The following VWC2L variants were observed in gnomAD, a reference collection of about 807,000 sequenced individuals.
VWC2L encodes von Willebrand factor C domain containing 2 like.
Under a neutral mutation model 21.6 loss-of-function variants are expected in VWC2L, and 10 were observed. The observed-to-expected ratio is 0.46, with a 90% CI of 0.29 to 0.78. The LOEUF (loss-of-function observed/expected upper bound fraction) is 0.78. Ranked by LOEUF, VWC2L falls within the 30% of genes least tolerant of loss-of-function variation. VWC2L has a pLI of 0.10. For missense variants in VWC2L, 209 were observed against 277.1 expected, an observed-to-expected ratio of 0.75 and a Z score of 1.74; for synonymous variants, 96 against 94.3, an observed-to-expected ratio of 1.02 and a Z score of -0.10.
At chr2:214,486,441 G>A (rs1688673779) in intron 3 of VWC2L, among the ~76,000 whole-genome samples, 1 of 152,170 alleles carries the variant, frequency 6.6e-6, no homozygotes, top group African/African-American at 2.4e-5. Context: ...TTATTCATAT[G>A]CACCTTAATT....
At chr2:214,548,312 T>A (rs1329698543) in intron 3 of VWC2L, among the ~76,000 whole-genome samples, 2 of 152,168 alleles carry the variant, frequency 1.3e-5, no homozygotes, top group East Asian at 1.9e-4. Context: ...TTACACAATT[T>A]AAAAAAATTT....
chr2:214,559,596 C>A (rs1006082248), intron 3 of VWC2L, among the ~76,000 whole-genome samples: 1 of 149,362 alleles, frequency 6.7e-6, no homozygotes, highest in Non-Finnish European at 1.5e-5. Context: ...CAAATTTAAT[C>A]CCATTCTTTT....
chr2:214,434,645 A>G (rs1448361725), intron 2 of VWC2L, among the ~76,000 whole-genome samples: 1 of 152,174 alleles, frequency 6.6e-6, no homozygotes, highest in East Asian at 1.9e-4. Flanking sequence ...AGATAAAAAC[A>G]AGTCTTGCTT....
chr2:214,566,000 G>GT (rs747627989), intron 3 of VWC2L, among the ~76,000 whole-genome samples: 33 of 152,206 alleles, frequency 2.2e-4, no homozygotes, highest in Non-Finnish European at 3.7e-4. Context: ...GTTCTCAGCT[G>GT]TAAAATGGGT....
Position 214,495,233 on chromosome 2 carries a change from C to T in VWC2L, c.520+58475C>T, listed in dbSNP as rs186369279. ...AAATTATGAAGGCTGCTAAGAAAAT[C>T]CCTACTCCCCATCCTTTGCTGATCC... is the stretch of plus-strand genomic sequence containing the variant. On this transcript the variant is annotated intron_variant, in intron 3 of 3. Transcript: ENST00000312504. 2.5e-3 allele frequency among the ~76,000 whole-genome samples: 377 copies of T among 152,240 alleles called. 1 individual carries two copies. The highest frequency in any genetic ancestry group is 3.9e-3 in the Non-Finnish European group (268 of 68,016).
intron 3 of VWC2L, among the ~76,000 whole-genome samples, chr2:214,448,906 A>G (rs191282983): frequency 1.4e-3 from 208 of 152,160 alleles, no homozygotes; most frequent in Non-Finnish European, 2.5e-3. Flanking sequence ...TTTCCATCCT[A>G]TTCTCCCAGC....
At chr2:214,572,491 T>G (rs909479851) in intron 3 of VWC2L, among the ~76,000 whole-genome samples, 5 of 152,188 alleles carry the variant, frequency 3.3e-5, no homozygotes, top group Non-Finnish European at 2.9e-5. Flanking sequence ...AAGAAACGTA[T>G]TCCCTTATTT....
In VWC2L at chr2:214,526,645, T is replaced by A. The variant is rs147746371; in HGVS notation, c.521-49027T>A. On this transcript the variant is annotated intron_variant, in intron 3 of 3. Transcript: ENST00000312504. ...AATTCTGTTTCTTCCTATTGGTTTC[T>A]CTTCTTCCATGGCTTTCTTTTCTCA... is the stretch of plus-strand genomic sequence containing the variant. 4.3e-4 allele frequency among the ~76,000 whole-genome samples: 65 copies of A among 152,350 alleles called. 3 individuals carry two copies. The East Asian group carries it at 0.011, about 25-fold the overall frequency.
rs1044781198 is a variant in VWC2L, at chr2:214,417,116, A to G, written c.390+2533A>G. 2.6e-5 allele frequency among the ~76,000 whole-genome samples: 4 copies of G among 152,152 alleles called. No homozygotes were observed. The East Asian group carries it at 7.7e-4, about 29-fold the overall frequency. ...TCTCTTCCAACTCAGCTTGCAAGGAACAAGTCATTAATTATTAAAGATGCA... is the reference window on the plus strand; with the variant it reads ...TCTCTTCCAACTCAGCTTGCAAGGAGCAAGTCATTAATTATTAAAGATGCA... On this transcript the variant is annotated intron_variant, in intron 2 of 3. Transcript: ENST00000312504.
intron 3 of VWC2L, among the ~76,000 whole-genome samples, chr2:214,456,389 TGGTTTTTGTTTGGGTTTTTTTGTTTGGG>T (rs1703056289): frequency 1.3e-5 from 2 of 152,226 alleles, no homozygotes; most frequent in South Asian, 2.1e-4. Flanking sequence ...TGTGATTGTT[TGGTTTTTGTTTGGGTTTTTTTGTTTGGG>T]GGTTTTTGTT....
chr2:214,472,599 G>C (rs1028974320), intron 3 of VWC2L, among the ~76,000 whole-genome samples: 1 of 152,120 alleles, frequency 6.6e-6, no homozygotes, highest in Non-Finnish European at 1.5e-5. Context: ...AAGAAATCTT[G>C]ATACAGAGCA....
At chr2:214,539,390 A>G (rs976654529) in intron 3 of VWC2L, among the ~76,000 whole-genome samples, 3 of 152,170 alleles carry the variant, frequency 2.0e-5, no homozygotes, top group Admixed American at 6.6e-5. Flanking sequence ...TGCAAAATAA[A>G]TGCTGTCATT....
intron 2 of VWC2L, among the ~76,000 whole-genome samples, chr2:214,424,580 C>T (rs1215278215): frequency 6.6e-6 from 1 of 152,130 alleles, no homozygotes; most frequent in East Asian, 1.9e-4. Flanking sequence ...TAAAAGCTAC[C>T]TGATATTTTT....
chr2:214,549,050 C>G (rs1487990329), intron 3 of VWC2L, among the ~76,000 whole-genome samples: 1 of 152,198 alleles, frequency 6.6e-6, no homozygotes, highest in African/African-American at 2.4e-5. Context: ...CTTTCATTTT[C>G]TAGCTCCTAG....
At position 214,483,217 on chromosome 2, in the gene VWC2L, T is replaced by C. The variant is rs185363056; in HGVS notation, c.520+46459T>C. ...TTCAGCCCTACACCTTACTACTGTC[T>C]GGCCTAGATGGAGTGCAAACTAAGA... On this transcript the variant is annotated intron_variant, in intron 3 of 3. Transcript: ENST00000312504. Among the ~76,000 whole-genome samples, 13 of 152,300 alleles carry C rather than the reference T, an allele frequency of 8.5e-5. No homozygotes were observed. In the South Asian group the frequency reaches 1.9e-3, roughly 22 times the overall value.
At chr2:214,506,328 G>A (rs1193759592) in intron 3 of VWC2L, among the ~76,000 whole-genome samples, 1 of 152,130 alleles carries the variant, frequency 6.6e-6, no homozygotes, top group Non-Finnish European at 1.5e-5. Flanking sequence ...GTGAGAGACA[G>A]CAACAATCAC....
At chr2:214,447,625 T>C (rs1702858097) in intron 3 of VWC2L, among the ~76,000 whole-genome samples, 1 of 152,110 alleles carries the variant, frequency 6.6e-6, no homozygotes, top group African/African-American at 2.4e-5. Flanking sequence ...AACAAAGCTG[T>C]GGTGTGTTCT....
intron 2 of VWC2L, among the ~76,000 whole-genome samples, chr2:214,421,975 C>T (rs965136717): frequency 5.1e-5 from 7 of 136,816 alleles, no homozygotes; most frequent in Non-Finnish European, 7.6e-5. Context: ...CTGCAAGCTC[C>T]GCCTCCCGGG....
At chr2:214,497,397 G>A (rs769276084) in intron 3 of VWC2L, among the ~76,000 whole-genome samples, 49 of 152,062 alleles carry the variant, frequency 3.2e-4, no homozygotes, top group Non-Finnish European at 6.2e-4. Context: ...ATCCTCTCTT[G>A]CCTCTCTAAA....
Sources: gnomAD v4.1 joint callset for allele counts (sites outside exome capture counted in the v4.1 genomes callset) on GRCh38, gnomAD v4.1.1 for gene constraint, MANE v1.5 for transcripts, NCBI Gene and HGNC (gene_info 2026-07-23, HGNC 2026-07-21) for gene names.